The following PRKAG2 variants were observed in gnomAD, a reference collection of about 807,000 sequenced individuals.
The protein encoded by PRKAG2 is protein kinase AMP-activated non-catalytic subunit gamma 2.
PRKAG2 carries 26 observed loss-of-function variants against 69.6 expected under a neutral mutation model. The observed-to-expected ratio is 0.37, with a 90% CI of 0.27 to 0.52. The LOEUF (loss-of-function observed/expected upper bound fraction) is 0.52. PRKAG2 is among the 20% of genes least tolerant of loss of function. The probability of loss-of-function intolerance (pLI) is 0.90; values close to 1 mark genes in which losing one functional copy is unlikely to be tolerated. For synonymous variants in PRKAG2, 293 were observed against 285.0 expected, an observed-to-expected ratio of 1.03 and a Z score of -0.28; for missense variants, 557 against 740.0, an observed-to-expected ratio of 0.75 and a Z score of 2.87.
chr7:151,787,499 A>C (rs1586535841), intron 1 of PRKAG2, among the ~76,000 whole-genome samples: 4 of 152,214 alleles, frequency 2.6e-5, no homozygotes. Context: ...TAATGTCTTC[A>C]AGGCTCCTCC....
chr7:151,605,598 A>C (rs183490788), intron 5 of PRKAG2, among the ~76,000 whole-genome samples: 1 of 151,570 alleles, frequency 6.6e-6, no homozygotes, highest in East Asian at 2.0e-4. Context: ...TTAGCTGTGC[A>C]TAGTGGTGCA....
chr7:151,671,340 A>C (rs575327926), intron 4 of PRKAG2, among the ~76,000 whole-genome samples: 1 of 152,344 alleles, frequency 6.6e-6, no homozygotes, highest in South Asian at 2.1e-4. Context: ...GCAGAGATAA[A>C]TTACATCCAA....
intron 5 of PRKAG2, among the ~76,000 whole-genome samples, chr7:151,620,799 T>A (rs12703146): frequency 0.025 from 2,429 of 98,110 alleles, 76 homozygotes; most frequent in African/African-American, 0.079. Context: ...ATTAAAAAAA[T>A]TTTTTTTTAA....
chr7:151,743,672 C>T (rs938366004), intron 3 of PRKAG2, among the ~76,000 whole-genome samples: 1 of 152,184 alleles, frequency 6.6e-6, no homozygotes, highest in African/African-American at 2.4e-5. Flanking sequence ...AGAAAAGGAG[C>T]GATTACTGAG....
At chr7:151,745,215 G>A (rs1256746049) in intron 3 of PRKAG2, among the ~76,000 whole-genome samples, 1 of 152,190 alleles carries the variant, frequency 6.6e-6, no homozygotes, top group Non-Finnish European at 1.5e-5. Context: ...TCCCCTGCAC[G>A]GCTGCGTTCC....
chr7:151,628,805 A>G (rs1823660532), intron 5 of PRKAG2, among the ~76,000 whole-genome samples: 1 of 152,194 alleles, frequency 6.6e-6, no homozygotes, highest in South Asian at 2.1e-4. Context: ...TAATGAAATC[A>G]TTGAGATCCA....
chr7:151,573,826 T>C (rs1808261887), intron 8 of PRKAG2, among the ~76,000 whole-genome samples: 4 of 152,214 alleles, frequency 2.6e-5, no homozygotes, highest in Admixed American at 2.6e-4. Context: ...TCGCCCAGGC[T>C]GGAGTGCAAT....
chr7:151,691,437 T>C (rs1181873872), intron 3 of PRKAG2, among the ~76,000 whole-genome samples: 2 of 140,510 alleles, frequency 1.4e-5, no homozygotes, highest in African/African-American at 5.3e-5. Flanking sequence ...GCAGAGTATA[T>C]AAAGAACTCT....
intron 3 of PRKAG2, among the ~76,000 whole-genome samples, chr7:151,750,497 T>C (rs887022731): frequency 6.6e-6 from 1 of 152,220 alleles, no homozygotes; most frequent in Non-Finnish European, 1.5e-5. Flanking sequence ...AGAAGCCACA[T>C]GCAGAAGCCC....
intron 1 of PRKAG2, among the ~76,000 whole-genome samples, chr7:151,800,274 C>A (rs747294280): frequency 6.6e-6 from 1 of 150,488 alleles, no homozygotes; most frequent in African/African-American, 2.4e-5. Flanking sequence ...AGGAGAATGG[C>A]GTGAACCCGG....
chr7:151,685,598 C>T (rs1834599791), intron 3 of PRKAG2, among the ~76,000 whole-genome samples: 1 of 151,948 alleles, frequency 6.6e-6, no homozygotes, highest in African/African-American at 2.4e-5. Context: ...GTGAGACCCC[C>T]ATTTCTACAA....
intron 4 of PRKAG2, among the ~76,000 whole-genome samples, chr7:151,636,177 CACAT>C (rs1388529702): frequency 6.6e-6 from 1 of 152,138 alleles, no homozygotes; most frequent in African/African-American, 2.4e-5. Context: ...AAATATAATT[CACAT>C]ACCATAAAAT....
chr7:151,616,254 G>A (rs1820111273), intron 5 of PRKAG2, among the ~76,000 whole-genome samples: 1 of 152,168 alleles, frequency 6.6e-6, no homozygotes, highest in African/African-American at 2.4e-5. Flanking sequence ...GGCAACGAGG[G>A]CGGGAGGAAG....
At position 151,761,776 on chromosome 7, in the gene PRKAG2, G is replaced by T. The variant is rs540665496; in HGVS notation, c.466+19376C>A. Among the ~76,000 whole-genome samples the T allele has an allele frequency of 7.2e-5, 11 of 152,274 alleles. No individual in the cohort carries two copies. The East Asian group carries it at 2.1e-3, about 29-fold the overall frequency. Reference sequence around the variant, plus strand: ...GAAGGACCCATCGGGCAATGACATTGGTGCTGCCAACTGCGTGGAGAATCA... The same window carrying T: ...GAAGGACCCATCGGGCAATGACATTTGTGCTGCCAACTGCGTGGAGAATCA... On this transcript the variant is annotated intron_variant, in intron 3 of 15. Coordinates refer to ENST00000287878, the MANE Select transcript of PRKAG2 (RefSeq NM_016203.4).
intron 1 of PRKAG2, among the ~76,000 whole-genome samples, chr7:151,796,829 T>G (rs536076995): frequency 1.3e-3 from 200 of 152,268 alleles, no homozygotes; most frequent in Non-Finnish European, 2.1e-3. Context: ...GACATCCTGA[T>G]GCGCCACCTC....
At chr7:151,630,478 G>A (rs1474704060) in intron 5 of PRKAG2, among the ~76,000 whole-genome samples, 1 of 152,146 alleles carries the variant, frequency 6.6e-6, no homozygotes, top group African/African-American at 2.4e-5. Flanking sequence ...GCCATGATAC[G>A]GATTGGCTCA....
intron 5 of PRKAG2, among the ~76,000 whole-genome samples, chr7:151,624,668 A>G (rs1402520231): frequency 6.6e-6 from 1 of 151,914 alleles, no homozygotes; most frequent in Admixed American, 6.6e-5. Flanking sequence ...ATCCCACTCT[A>G]CCCACTTGCT....
At chr7:151,613,704 G>A (rs1819426398) in intron 5 of PRKAG2, among the ~76,000 whole-genome samples, 1 of 151,298 alleles carries the variant, frequency 6.6e-6, no homozygotes, top group Non-Finnish European at 1.5e-5. Flanking sequence ...CGCCACGTTG[G>A]TCAGGCTGGT....
intron 3 of PRKAG2, among the ~76,000 whole-genome samples, chr7:151,721,433 G>A (rs1797095874): frequency 6.6e-6 from 1 of 150,962 alleles, no homozygotes; most frequent in Non-Finnish European, 1.5e-5. Context: ...AGCGCTATGG[G>A]GCCCAGCTGG....
Sources: allele counts gnomAD v4.1 joint callset (sites outside exome capture counted in the v4.1 genomes callset), GRCh38; gene constraint gnomAD v4.1.1; transcripts MANE v1.5; gene names NCBI Gene and HGNC (gene_info 2026-07-23, HGNC 2026-07-21).